RIMS2: variants seen among roughly 807,000 people sequenced by gnomAD.
RIMS2 encodes regulating synaptic membrane exocytosis 2, also known as regulating synaptic membrane exocytosis protein 2.
Under a neutral mutation model 174.4 loss-of-function variants are expected in RIMS2, and 59 were observed. That is an observed-to-expected ratio of 0.34 (90% CI 0.27 to 0.42). The LOEUF (loss-of-function observed/expected upper bound fraction) is 0.42. Ranked by LOEUF, RIMS2 falls within the 10% of genes least tolerant of loss-of-function variation. The pLI is 1.00. For synonymous variants in RIMS2, 606 were observed against 572.5 expected, an observed-to-expected ratio of 1.06 and a Z score of -0.84; for missense variants, 1,620 against 1,666.3, an observed-to-expected ratio of 0.97 and a Z score of 0.48.
At chr8:103,566,537 G>T (rs891534800) in intron 1 of RIMS2, among the ~76,000 whole-genome samples, 11 of 152,014 alleles carry the variant, frequency 7.2e-5, no homozygotes, top group African/African-American at 2.7e-4. Context: ...CTTAATACTT[G>T]CTTGGATATA....
chr8:104,150,770 T>A (rs1215769746), intron 19 of RIMS2, among the ~76,000 whole-genome samples: 1 of 152,190 alleles, frequency 6.6e-6, no homozygotes, highest in Non-Finnish European at 1.5e-5. Flanking sequence ...ATCATAATTA[T>A]AGATGATAGG....
At chr8:103,604,360 C>G (rs1266719428) in intron 1 of RIMS2, among the ~76,000 whole-genome samples, 1 of 151,886 alleles carries the variant, frequency 6.6e-6, no homozygotes, top group Non-Finnish European at 1.5e-5. Flanking sequence ...TGATCTATAT[C>G]TCTGTTTTGG....
intron 19 of RIMS2, among the ~76,000 whole-genome samples, chr8:104,121,226 T>G (rs1393386142): frequency 1.3e-5 from 2 of 152,102 alleles, no homozygotes; most frequent in East Asian, 3.9e-4. Context: ...TATTCCAAAG[T>G]GATATATATT....
At chr8:103,781,737 T>C (rs2098390584) in intron 3 of RIMS2, among the ~76,000 whole-genome samples, 2 of 110,494 alleles carry the variant, frequency 1.8e-5, no homozygotes, top group Non-Finnish European at 1.8e-5. Flanking sequence ...TCTCCCCTAA[T>C]CTTTTTTTTT....
chr8:103,694,689 G>A (rs767962496), intron 1 of RIMS2, among the ~76,000 whole-genome samples: 1 of 152,090 alleles, frequency 6.6e-6, no homozygotes, highest in Non-Finnish European at 1.5e-5. Flanking sequence ...TTGGTGCTAG[G>A]TGTGCCTGGA....
chr8:103,619,893 G>A (rs2095596080), intron 1 of RIMS2, among the ~76,000 whole-genome samples: 1 of 152,054 alleles, frequency 6.6e-6, no homozygotes, highest in African/African-American at 2.4e-5. Flanking sequence ...AATACTCAAA[G>A]GGAAAATATG....
rs35163912 is a variant in RIMS2 at position 104,135,613 on chromosome 8, CA to C, written c.3335-109281del. On this transcript the variant is annotated intron_variant, in intron 19 of 23. Transcript: ENST00000504942. ...AGAGTGAGACCTTGTCTCCCAACCT[CA>C]AAAAAAAAAAAAAAAAAAAAAGAAT... Among the ~76,000 whole-genome samples, 633 of 79,624 alleles carry C rather than the reference CA, an allele frequency of 7.9e-3. 4 individuals carry two copies. The highest frequency in any genetic ancestry group is 0.032 in the South Asian group (75 of 2,338). The allele number at this position is 79,624 out of a possible 152,430, so 52.2% of individuals were successfully genotyped here.
chr8:104,049,673 C>T (rs74409068), intron 19 of RIMS2, among the ~76,000 whole-genome samples: 3,791 of 152,056 alleles, frequency 0.025, 135 homozygotes, highest in African/African-American at 0.084. Flanking sequence ...TGTGTGTATA[C>T]TTTCAACCAA....
At chr8:104,142,291 C>A (rs1408955300) in intron 19 of RIMS2, among the ~76,000 whole-genome samples, 1 of 151,958 alleles carries the variant, frequency 6.6e-6, no homozygotes, top group African/African-American at 2.4e-5. Context: ...CCACACCCAG[C>A]TAATTTTTGT....
At chr8:104,204,945 C>T (rs1351859654) in intron 19 of RIMS2, among the ~76,000 whole-genome samples, 1 of 152,056 alleles carries the variant, frequency 6.6e-6, no homozygotes, top group Non-Finnish European at 1.5e-5. Context: ...GCTAAACAAA[C>T]CTAAGATTAC....
At chr8:103,744,733 A>G (rs1037641989) in intron 2 of RIMS2, among the ~76,000 whole-genome samples, 1 of 152,216 alleles carries the variant, frequency 6.6e-6, no homozygotes, top group Admixed American at 6.5e-5. Context: ...ATGAGCTAAT[A>G]TATAAATACC....
chr8:103,696,091 A>G (rs2097097585), intron 1 of RIMS2, among the ~76,000 whole-genome samples: 2 of 152,118 alleles, frequency 1.3e-5, no homozygotes, highest in African/African-American at 4.8e-5. Context: ...AATTACACAT[A>G]TGGTAGGTTG....
intron 1 of RIMS2, among the ~76,000 whole-genome samples, chr8:103,545,863 C>T (rs1243798775): frequency 1.3e-5 from 2 of 152,162 alleles, no homozygotes; most frequent in African/African-American, 2.4e-5. Flanking sequence ...ACCTGCCTTA[C>T]CTACCTACCT....
At chr8:103,717,050 G>A (rs189984885) in intron 2 of RIMS2, among the ~76,000 whole-genome samples, 146 of 150,208 alleles carry the variant, frequency 9.7e-4, no homozygotes, top group African/African-American at 3.2e-3. Flanking sequence ...CAGACTTAAA[G>A]TTGAGGACTT....
At chr8:103,968,249 G>T (rs573893925) in intron 15 of RIMS2, among the ~76,000 whole-genome samples, 12 of 152,100 alleles carry the variant, frequency 7.9e-5, no homozygotes, top group African/African-American at 2.9e-4. Flanking sequence ...TTTAAAGTGG[G>T]TTTCTTATAC....
chr8:104,106,602 A>G (rs989177615), intron 19 of RIMS2, among the ~76,000 whole-genome samples: 2 of 152,156 alleles, frequency 1.3e-5, no homozygotes, highest in Admixed American at 1.3e-4. Context: ...CTGATTATAC[A>G]TTAAGGAGTA....
intron 19 of RIMS2, among the ~76,000 whole-genome samples, chr8:104,158,669 T>A (rs982678991): frequency 2.0e-5 from 3 of 152,222 alleles, no homozygotes; most frequent in Admixed American, 1.3e-4. Context: ...CATTTTTTCA[T>A]GTGTCTGTTG....
rs866395832 is a variant in RIMS2, at chr8:104,052,848, C to G, written c.3334+38233C>G. Among the ~76,000 whole-genome samples, 6 of 151,874 alleles carry G rather than the reference C, an allele frequency of 4.0e-5. No individual in the cohort carries two copies. In the South Asian group the frequency reaches 1.2e-3, roughly 31 times the overall value. On this transcript the variant is annotated intron_variant, in intron 19 of 23. Coordinates refer to ENST00000504942, the Ensembl canonical transcript of RIMS2. ...ATATGGAATTAAATAAAAAAACACT[C>G]AAGGATAGAATAAAGCGGAAAGCTA... is the stretch of plus-strand genomic sequence containing the variant.
chr8:104,189,610 A>G (rs188202136), intron 19 of RIMS2, among the ~76,000 whole-genome samples: 171 of 148,054 alleles, frequency 1.2e-3, no homozygotes, highest in African/African-American at 4.1e-3. Context: ...TTATGTAAAT[A>G]TATATATATT....
Sources: gnomAD v4.1 joint callset for allele counts (sites outside exome capture counted in the v4.1 genomes callset) on GRCh38, gnomAD v4.1.1 for gene constraint, MANE v1.5 for transcripts, NCBI Gene and HGNC (gene_info 2026-07-23, HGNC 2026-07-21) for gene names.